Variants in RYR2 observed in about 807,000 individuals in gnomAD.
The protein encoded by RYR2 is cardiac muscle ryanodine receptor-calcium release channel.
RYR2 carries 227 observed loss-of-function variants against 601.1 expected under a neutral mutation model. The observed-to-expected ratio is 0.38, with a 90% CI of 0.34 to 0.42. The LOEUF (loss-of-function observed/expected upper bound fraction) is 0.42. Among genes scored for constraint, RYR2 ranks in the 10% least tolerant of loss-of-function variants. RYR2 has a pLI of 1.00. For synonymous variants in RYR2, 2,223 were observed against 2,175.1 expected (o/e 1.02, Z -0.61); for missense variants, 4,646 against 6,156.5 (o/e 0.75, Z 8.21).
intron 3 of RYR2, among the ~76,000 whole-genome samples, chr1:237,349,259 C>T (rs893023352): frequency 1.3e-5 from 2 of 152,090 alleles, no homozygotes; most frequent in Non-Finnish European, 2.9e-5. Flanking sequence ...CCTGATGACA[C>T]ATTAGAAAAA....
At chr1:237,341,594 A>G in intron 3 of RYR2, 4 of 509,232 alleles carry the variant, frequency 7.9e-6, no homozygotes, top group South Asian at 5.8e-5. Flanking sequence ...GGTCTGTGGT[A>G]TTCGCTTGCT....
At chr1:237,187,112 C>T (rs1180860052) in intron 1 of RYR2, among the ~76,000 whole-genome samples, 1 of 152,038 alleles carries the variant, frequency 6.6e-6, no homozygotes. Flanking sequence ...GTTGGCACCC[C>T]TACCTTCCAA....
rs185539704 is a variant in RYR2, at chr1:237,627,265, A to G, written c.6167-542A>G. 1.1e-3 allele frequency among the ~76,000 whole-genome samples: 170 copies of G among 152,324 alleles called. 2 individuals carry two copies. The highest frequency in any genetic ancestry group is 0.01 in the Admixed American group (158 of 15,294). Reference sequence around the variant, plus strand: ...ACTTTTCGCTTTAATATAAATTCACAATCAAATCCTTTTGAAGACATTTTA... The same window carrying G: ...ACTTTTCGCTTTAATATAAATTCACGATCAAATCCTTTTGAAGACATTTTA... On this transcript the variant is annotated intron_variant, in intron 40 of 104. Coordinates refer to ENST00000366574, the MANE Select transcript of RYR2 (RefSeq NM_001035.3).
At chr1:237,474,383 G>A (rs115597546) in intron 17 of RYR2, among the ~76,000 whole-genome samples, 6,139 of 151,574 alleles carry the variant, frequency 0.041, 203 homozygotes, top group Non-Finnish European at 0.062. Context: ...TCCTGACAAC[G>A]TAATTGGTTT....
rs750091614 is a variant in RYR2, at chr1:237,500,889, C to T, written c.2382C>T (p.Phe794=). ...GCCTCTTCTTTCCAGTCGTTAGTTT[C>T]TCTGCAGGAATAAAGTTAGTATGTC... The part of the protein sequence containing the change: ...IDGLFFPVVS[F]SAGIKVRFLL... Residue 794 remains phenylalanine, a synonymous_variant, in exon 21 of 105, where the codon TTC becomes TTT. Coordinates refer to ENST00000366574, the MANE Select transcript of RYR2 (RefSeq NM_001035.3). 1 of 1,613,894 alleles carries T rather than the reference C, an allele frequency of 6.2e-7. No individual in the cohort carries two copies. Among genetic ancestry groups the T allele is most frequent in the Non-Finnish European group, 8.5e-7 (1 of 1,179,818 alleles).
chr1:237,530,032 C>T (rs1369148541), intron 24 of RYR2, among the ~76,000 whole-genome samples: 1 of 152,122 alleles, frequency 6.6e-6, no homozygotes, highest in Non-Finnish European at 1.5e-5. Context: ...AGACTTCTGA[C>T]TGGGCGCGGT....
At position 237,569,166 on chromosome 1, in the gene RYR2, A is replaced by G. The variant is rs1672400730; in HGVS notation, c.3445A>G (p.Asn1149Asp). 6.2e-7 allele frequency: 1 copy of G among 1,613,826 alleles called. No homozygotes were observed. Among genetic ancestry groups the G allele is most frequent in the East Asian group, 2.2e-5 (1 of 44,858 alleles). Residue 1149 changes from asparagine (N) to aspartate (D), a missense_variant, in exon 29 of 105, where the codon AAT becomes GAT. Asn to Asp is a conservative substitution (Grantham distance 23). Around this residue, in one of 17 missense-constraint regions of RYR2, gnomAD observed 1,807 missense variants for 2,088.1 expected, o/e 0.87. Coordinates refer to ENST00000366574, the MANE Select transcript of RYR2 (RefSeq NM_001035.3). ...GFKAQRWHQG[N>D]EHYGRSWQAG... is the part of the protein sequence containing the mutation. The stretch of plus-strand genomic sequence containing the variant: ...ATAGGCCCAGCGGTGGCATCAGGGC[A>G]ATGAACACTATGGGCGCTCTTGGCA...
chr1:237,583,989 G>T (rs1292468884), intron 29 of RYR2, among the ~76,000 whole-genome samples: 1 of 152,188 alleles, frequency 6.6e-6, no homozygotes, highest in African/African-American at 2.4e-5. Flanking sequence ...AGTTAGGGTG[G>T]GTCTGGCTCA....
intron 10 of RYR2, among the ~76,000 whole-genome samples, chr1:237,406,844 A>G (rs1703956082): frequency 6.6e-6 from 1 of 152,188 alleles, no homozygotes; most frequent in African/African-American, 2.4e-5. Context: ...TAAATGATAA[A>G]GTAATACGGA....
chr1:237,665,989 A>ATT (rs148762976), intron 56 of RYR2, among the ~76,000 whole-genome samples: 2 of 151,980 alleles, frequency 1.3e-5, no homozygotes, highest in Admixed American at 1.3e-4. Flanking sequence ...GGTATATTTC[A>ATT]TTTTTTAAAA....
At chr1:237,260,335 G>A (rs968967447) in intron 1 of RYR2, among the ~76,000 whole-genome samples, 1 of 152,184 alleles carries the variant, frequency 6.6e-6, no homozygotes, top group Non-Finnish European at 1.5e-5. Context: ...GTGTTCCAGA[G>A]TAAATGACAC....
chr1:237,205,254 C>A (rs546552134), intron 1 of RYR2, among the ~76,000 whole-genome samples: 73 of 152,308 alleles, frequency 4.8e-4, no homozygotes, highest in South Asian at 1.9e-3. Flanking sequence ...TTGGAATACA[C>A]CACAGGGTTC....
chr1:237,304,075 G>C (rs1289288244), intron 2 of RYR2, among the ~76,000 whole-genome samples: 2 of 152,192 alleles, frequency 1.3e-5, no homozygotes, highest in East Asian at 3.9e-4. Context: ...GCAGTTAATG[G>C]GCCCAGCTTT....
chr1:237,385,985 C>T (rs1295434316), intron 8 of RYR2, among the ~76,000 whole-genome samples: 2 of 152,012 alleles, frequency 1.3e-5, no homozygotes, highest in African/African-American at 4.8e-5. Context: ...TATTTGTAAA[C>T]AATTAAACAG....
In RYR2 at chr1:237,623,861, A is replaced by T. The variant is rs373235823; in HGVS notation, c.6013A>T (p.Thr2005Ser). The change falls in exon 39 of 105, where the codon ACA becomes TCA. Residue 2005 changes from threonine (T) to serine (S), a missense_variant. Thr to Ser is a moderately conservative substitution (Grantham distance 58). Around this residue, in one of 17 missense-constraint regions of RYR2, gnomAD observed 170 missense variants for 184.5 expected, o/e 0.92. Coordinates refer to ENST00000366574, the MANE Select transcript of RYR2 (RefSeq NM_001035.3). ...ATTGGATTTCCATGAAGATTTGATG[A>T]CACATTGTGGTAAGGTCTTTTTGAT... is the stretch of plus-strand genomic sequence containing the variant. ...QLLDFHEDLM[T>S]HCGIELDEDG... is the part of the protein sequence containing the mutation. 6.2e-7 allele frequency: 1 copy of T among 1,603,378 alleles called. No homozygotes were observed. Among genetic ancestry groups the T allele is most frequent in the Non-Finnish European group, 8.5e-7 (1 of 1,170,236 alleles).
intron 1 of RYR2, among the ~76,000 whole-genome samples, chr1:237,122,329 G>T (rs6693720): frequency 0.14 from 21,340 of 152,250 alleles, 1,652 homozygotes; most frequent in South Asian, 0.2. Flanking sequence ...CTTTGCAAAA[G>T]ATGAGTGTTA....
intron 12 of RYR2, among the ~76,000 whole-genome samples, chr1:237,423,785 C>A (rs919637437): frequency 3.3e-5 from 5 of 152,130 alleles, no homozygotes; most frequent in Admixed American, 2.6e-4. Context: ...CATCCTTAAC[C>A]CTATTGAATC....
At chr1:237,341,533 A>G (rs937781253) in intron 3 of RYR2, 1 of 432,268 alleles carries the variant, frequency 2.3e-6, no homozygotes, top group African/African-American at 2.0e-5. Context: ...CGGTCTGTTT[A>G]TTGCCTTCCT....
intron 52 of RYR2, among the ~76,000 whole-genome samples, chr1:237,655,163 A>C (rs1683121625): frequency 6.6e-6 from 1 of 152,202 alleles, no homozygotes; most frequent in Non-Finnish European, 1.5e-5. Flanking sequence ...GAGTCCTTTT[A>C]AAATAATGTG....
Sources: allele counts gnomAD v4.1 joint callset (sites outside exome capture counted in the v4.1 genomes callset), GRCh38; gene constraint gnomAD v4.1.1; regional missense constraint gnomAD v4.1.1; transcripts MANE v1.5; gene names NCBI Gene and HGNC (gene_info 2026-07-23, HGNC 2026-07-21).